Variants in C3orf49 observed in about 807,000 individuals in gnomAD.
The protein encoded by C3orf49 is putative uncharacterized protein C3orf49.
A neutral mutation model predicts 13.3 loss-of-function variants in C3orf49; 27 were observed. The observed-to-expected ratio is 2.02, with a 90% CI of 1.49 to 2.79. The LOEUF (loss-of-function observed/expected upper bound fraction) is 2.79, where lower values mean the gene tolerates loss of function less well. Ranked by LOEUF, C3orf49 falls within the 30% of genes most tolerant of loss-of-function variation. C3orf49 has a pLI of 0.00. For synonymous variants in C3orf49, 87 were observed against 47.6 expected (o/e 1.83, Z -3.40); for missense variants, 242 against 134.2 (o/e 1.80, Z -3.97).
the C3orf49 span, chr3:63,783,168 C>T: frequency 6.6e-6 from 1 of 152,042 alleles, no homozygotes; most frequent in Non-Finnish European, 1.5e-5. Flanking sequence ...CTCCTCTGTT[C>T]CAGCAAAACT....
chr3:63,838,310 G>T, intron 5 of C3orf49: 1 of 1,167,010 alleles, frequency 8.6e-7, no homozygotes, highest in Non-Finnish European at 1.2e-6. Context: ...ATTGTTAGCA[G>T]GTATTGTTTC....
chr3:63,837,901 C>T, intron 5 of C3orf49: 1 of 1,355,046 alleles, frequency 7.4e-7, no homozygotes, highest in Non-Finnish European at 1.0e-6. Context: ...GATTTTACCT[C>T]ACAACATTAA....
At chr3:63,783,725 A>AC in the C3orf49 span, among the ~76,000 whole-genome samples, 1 of 150,118 alleles carries the variant, frequency 6.7e-6, no homozygotes, top group African/African-American at 2.5e-5. Flanking sequence ...CTCAAAAAAA[A>AC]ATTAAATTAA....
At chr3:63,819,110 T>C (rs1220229369), upstream of C3orf49, among the ~76,000 whole-genome samples, 4 of 152,108 alleles carry the variant, frequency 2.6e-5, no homozygotes, top group Non-Finnish European at 1.5e-5. Context: ...TTGTTGTTGT[T>C]GTTGTTTGAT....
the C3orf49 span, among the ~76,000 whole-genome samples, chr3:63,794,704 A>G: frequency 6.6e-6 from 1 of 152,154 alleles, no homozygotes; most frequent in African/African-American, 2.4e-5. Flanking sequence ...AGTTCTAGCA[A>G]TTAGCATTTT....
At chr3:63,842,922 C>T (rs1177190589) in intron 5 of C3orf49, among the ~76,000 whole-genome samples, 5 of 151,982 alleles carry the variant, frequency 3.3e-5, no homozygotes, top group Non-Finnish European at 7.4e-5. Context: ...GCTGTGACTA[C>T]ACATGCAGGC....
the C3orf49 span, among the ~76,000 whole-genome samples, chr3:63,811,313 C>T: frequency 3.6e-3 from 550 of 152,090 alleles, 2 homozygotes; most frequent in African/African-American, 0.013. Flanking sequence ...AATCCCAGCA[C>T]TTTGGGAGGC....
rs376607847 is a variant in C3orf49, at chr3:63,836,403, G to A, written c.849+4559G>A. On this transcript the variant is annotated intron_variant, in intron 5 of 6. Coordinates refer to ENST00000295896, the MANE Select transcript of C3orf49 (RefSeq NM_001355236.2). Reference sequence around the variant, plus strand: ...TTATCAAACTAAGGATTTTTTGAATGTGAATTATCAAAACAAAATGTGTAA... The same window carrying A: ...TTATCAAACTAAGGATTTTTTGAATATGAATTATCAAAACAAAATGTGTAA... The A allele has an allele frequency of 1.4e-4, 220 of 1,580,686 alleles. 1 individual carries two copies. The Middle Eastern group carries it at 3.5e-3, about 25-fold the overall frequency.
chr3:63,830,282 G>T (rs531754735), intron 3 of C3orf49, among the ~76,000 whole-genome samples: 35 of 152,256 alleles, frequency 2.3e-4, no homozygotes, highest in African/African-American at 8.2e-4. Context: ...ACAGGAAAAA[G>T]TACTGGGTTT....
Position 63,831,694 on chromosome 3 carries a change from A to G in C3orf49, c.699A>G (p.Ile233Met). 1 of 703,148 alleles carries G rather than the reference A, an allele frequency of 1.4e-6. No homozygotes were observed. Among genetic ancestry groups the G allele is most frequent in the East Asian group, 2.7e-5 (1 of 37,276 alleles). The allele number at this position is 703,148 out of a possible 1,614,324, so 43.6% of individuals were successfully genotyped here. The change falls in exon 5 of 7, where the codon ATA becomes ATG. Residue 233 changes from isoleucine (I) to methionine (M), a missense_variant. Ile to Met is a conservative substitution (Grantham distance 10). Coordinates refer to ENST00000295896, the MANE Select transcript of C3orf49 (RefSeq NM_001355236.2). The part of the protein sequence containing the change: ...GKLQMQVDDL[I>M]ETVTDKSMKL... ...ATCTGTCATAGGTGGATGACCTCATAGAAACAGTGACTGATAAATCCATGA... is the reference window on the plus strand; with the variant it reads ...ATCTGTCATAGGTGGATGACCTCATGGAAACAGTGACTGATAAATCCATGA...
intron 2 of C3orf49, chr3:63,827,215 A>G (rs1701473790): frequency 1.2e-5 from 2 of 160,418 alleles, no homozygotes; most frequent in South Asian, 3.7e-4. Context: ...CTGAGCCTTG[A>G]GCCACATTTC....
chr3:63,821,800 G>T (rs926000524), intron 1 of C3orf49, among the ~76,000 whole-genome samples: 3 of 152,016 alleles, frequency 2.0e-5, no homozygotes, highest in East Asian at 3.9e-4. Flanking sequence ...AGAAAGGGGG[G>T]ACCAGTGGAT....
chr3:63,790,910 A>G, the C3orf49 span, among the ~76,000 whole-genome samples: 1 of 152,212 alleles, frequency 6.6e-6, no homozygotes, highest in African/African-American at 2.4e-5. Context: ...GTGTGATTGC[A>G]AAGTCCCACA....
chr3:63,787,708 T>C, the C3orf49 span, among the ~76,000 whole-genome samples: 1 of 152,132 alleles, frequency 6.6e-6, no homozygotes, highest in Non-Finnish European at 1.5e-5. Context: ...TAACTCTCTG[T>C]GGGGCCAGGC....
the C3orf49 span, among the ~76,000 whole-genome samples, chr3:63,793,395 C>A: frequency 6.6e-6 from 1 of 152,244 alleles, no homozygotes; most frequent in Non-Finnish European, 1.5e-5. Flanking sequence ...AGTCTCTCAT[C>A]AGCAACCCCC....
At chr3:63,835,786 C>T (rs1701619875) in intron 5 of C3orf49, among the ~76,000 whole-genome samples, 4 of 152,036 alleles carry the variant, frequency 2.6e-5, no homozygotes, top group African/African-American at 7.2e-5. Flanking sequence ...CTTTTTATCT[C>T]CTCTACCTCC....
the C3orf49 span, among the ~76,000 whole-genome samples, chr3:63,780,264 G>A: frequency 6.6e-6 from 1 of 152,142 alleles, no homozygotes; most frequent in East Asian, 1.9e-4. Context: ...CCTTGCGATA[G>A]TTTGCTGAGA....
intron 3 of C3orf49, among the ~76,000 whole-genome samples, chr3:63,830,528 G>A (rs1340467413): frequency 6.6e-6 from 1 of 152,072 alleles, no homozygotes; most frequent in Non-Finnish European, 1.5e-5. Flanking sequence ...AGACTAAAAA[G>A]GGCATATTAG....
At chr3:63,789,411 T>C in the C3orf49 span, among the ~76,000 whole-genome samples, 2 of 152,168 alleles carry the variant, frequency 1.3e-5, no homozygotes, top group African/African-American at 4.8e-5. Flanking sequence ...AGTTTCAAAC[T>C]ATAAATACAC....
Sources: allele counts gnomAD v4.1 joint callset (sites outside exome capture counted in the v4.1 genomes callset), GRCh38; gene constraint gnomAD v4.1.1; transcripts MANE v1.5; gene names NCBI Gene and HGNC (gene_info 2026-07-23, HGNC 2026-07-21).